TRAPPC9: variants seen among roughly 807,000 people sequenced by gnomAD.
TRAPPC9 encodes IKK2 binding protein.
A neutral mutation model predicts 124.0 loss-of-function variants in TRAPPC9; 83 were observed. That is an observed-to-expected ratio of 0.67 (90% CI 0.56 to 0.80). TRAPPC9 has a LOEUF of 0.80. TRAPPC9 is among the 30% of genes least tolerant of loss of function. The probability of loss-of-function intolerance (pLI) is 0.00; values close to 1 mark genes in which losing one functional copy is unlikely to be tolerated. For synonymous variants in TRAPPC9, 638 were observed against 617.5 expected (o/e 1.03, Z -0.49); for missense variants, 1,302 against 1,508.3 (o/e 0.86, Z 2.27).
intron 19 of TRAPPC9, among the ~76,000 whole-genome samples, chr8:139,973,783 AG>A (rs1362270910): frequency 6.6e-6 from 1 of 152,042 alleles, no homozygotes; most frequent in African/African-American, 2.4e-5. Context: ...GAGGAGGCCG[AG>A]GTGAGTGCCA....
chr8:139,945,468 G>A (rs556658583), intron 19 of TRAPPC9, among the ~76,000 whole-genome samples: 31 of 130,884 alleles, frequency 2.4e-4, no homozygotes, highest in African/African-American at 9.0e-4. Flanking sequence ...GACACAATTA[G>A]AGGGAGTCAG....
chr8:139,801,242 A>G (rs553853747), intron 21 of TRAPPC9, among the ~76,000 whole-genome samples: 1 of 152,282 alleles, frequency 6.6e-6, no homozygotes, highest in East Asian at 1.9e-4. Flanking sequence ...CTTCCTGGGG[A>G]GACTTGGCTG....
At chr8:140,362,059 G>A (rs562390134) in intron 8 of TRAPPC9, among the ~76,000 whole-genome samples, 2 of 152,258 alleles carry the variant, frequency 1.3e-5, no homozygotes, top group South Asian at 4.1e-4. Context: ...TATTTCCGCT[G>A]TATTTTGCAC....
rs1825561684 is a variant in TRAPPC9, at chr8:139,825,474, G to A, written c.3055+60405C>T. ...CCGGATGGATGGGCACCAGGGCCAG[G>A]TGGGGGCTGCATGGGTCCCATGCCC... On this transcript the variant is annotated intron_variant, in intron 21 of 22. Transcript: ENST00000438773. The surrounding 1 kb of genome is among the most constrained non-coding windows in gnomAD (Gnocchi z 4.6). Among the ~76,000 whole-genome samples, 1 of 152,180 alleles carries A rather than the reference G, an allele frequency of 6.6e-6. No individual in the cohort carries two copies. Among genetic ancestry groups the A allele is most frequent in the Non-Finnish European group, 1.5e-5 (1 of 68,034 alleles).
intron 15 of TRAPPC9, among the ~76,000 whole-genome samples, chr8:140,269,553 AAAATAAATAAATAAAT>A (rs61634673): frequency 8.4e-4 from 96 of 113,866 alleles, no homozygotes; most frequent in East Asian, 4.1e-3. Flanking sequence ...AAAATAAAAT[AAAATAAATAAATAAAT>A]AAATAAATAA....
At chr8:140,110,013 G>A (rs2060734655) in intron 17 of TRAPPC9, among the ~76,000 whole-genome samples, 1 of 152,084 alleles carries the variant, frequency 6.6e-6, no homozygotes, top group South Asian at 2.1e-4. Flanking sequence ...ACAGACTCAG[G>A]TGACAGCATC....
intron 21 of TRAPPC9, among the ~76,000 whole-genome samples, chr8:139,795,724 T>G (rs1301938598): frequency 6.6e-6 from 1 of 151,988 alleles, no homozygotes; most frequent in African/African-American, 2.4e-5. Flanking sequence ...TGGGAAACAA[T>G]CTGATGTCAT....
At chr8:140,084,277 ATC>A (rs1563748153) in intron 17 of TRAPPC9, among the ~76,000 whole-genome samples, 1 of 152,198 alleles carries the variant, frequency 6.6e-6, no homozygotes, top group Non-Finnish European at 1.5e-5. Flanking sequence ...ATGAAAATAA[ATC>A]TCTATAAATC....
chr8:140,351,639 T>G (rs545296285), intron 9 of TRAPPC9, among the ~76,000 whole-genome samples: 1 of 152,102 alleles, frequency 6.6e-6, no homozygotes, highest in Non-Finnish European at 1.5e-5. Context: ...ACAAACTATA[T>G]GGGAGGATGT....
At chr8:140,089,461 C>T (rs767663417) in intron 17 of TRAPPC9, among the ~76,000 whole-genome samples, 3 of 152,156 alleles carry the variant, frequency 2.0e-5, no homozygotes, top group Non-Finnish European at 2.9e-5. Flanking sequence ...AGTCCTACTA[C>T]GTGAAATAAG....
rs139568915 is a variant in TRAPPC9 at position 140,197,840 on chromosome 8, A to T, written c.2556+23619T>A. On this transcript the variant is annotated intron_variant, in intron 17 of 22. Coordinates refer to ENST00000438773, the MANE Select transcript of TRAPPC9 (RefSeq NM_001160372.4). ...GCAGGGAAGGTGGTCTTTGGGGCTCAGAAAGAGCCTTTCCTTGACACTCCC... is the reference window on the plus strand; with the variant it reads ...GCAGGGAAGGTGGTCTTTGGGGCTCTGAAAGAGCCTTTCCTTGACACTCCC... Among the ~76,000 whole-genome samples the T allele has an allele frequency of 5.3e-3, 809 of 152,352 alleles. 5 individuals carry two copies. Among genetic ancestry groups the T allele is most frequent in the African/African-American group, 0.018 (736 of 41,588 alleles).
At chr8:140,038,736 A>C (rs551046547) in intron 17 of TRAPPC9, among the ~76,000 whole-genome samples, 1 of 152,232 alleles carries the variant, frequency 6.6e-6, no homozygotes, top group South Asian at 2.1e-4. Flanking sequence ...AGCTGAGCAC[A>C]GAGGTCTCGA....
chr8:140,225,161 T>A (rs2063417670), intron 16 of TRAPPC9, among the ~76,000 whole-genome samples: 1 of 152,244 alleles, frequency 6.6e-6, no homozygotes, highest in Non-Finnish European at 1.5e-5. Flanking sequence ...AAATTATGCA[T>A]GTCTTACATT....
chr8:140,448,348 T>C (rs1207753830), intron 2 of TRAPPC9, among the ~76,000 whole-genome samples: 1 of 152,192 alleles, frequency 6.6e-6, no homozygotes, highest in Non-Finnish European at 1.5e-5. Flanking sequence ...TTTCAGTGCC[T>C]GGAGCCATGC....
At chr8:140,154,618 G>T (rs576002002) in intron 17 of TRAPPC9, among the ~76,000 whole-genome samples, 5 of 152,072 alleles carry the variant, frequency 3.3e-5, no homozygotes, top group Non-Finnish European at 5.9e-5. Context: ...ACTCACTAAC[G>T]ATTACTCATC....
chr8:139,946,056 T>A (rs2131471002), intron 19 of TRAPPC9, among the ~76,000 whole-genome samples: 1 of 152,342 alleles, frequency 6.6e-6, no homozygotes, highest in South Asian at 2.1e-4. Flanking sequence ...GGAAGACTTC[T>A]CAGAATCCTT....
At chr8:140,028,859 A>G (rs1272289146) in intron 17 of TRAPPC9, among the ~76,000 whole-genome samples, 2 of 152,238 alleles carry the variant, frequency 1.3e-5, no homozygotes, top group Non-Finnish European at 2.9e-5. Context: ...GGAAGGAACA[A>G]CAAACCAGTA....
intron 19 of TRAPPC9, among the ~76,000 whole-genome samples, chr8:139,948,555 C>G (rs1834424800): frequency 1.3e-5 from 2 of 152,164 alleles, no homozygotes; most frequent in South Asian, 2.1e-4. Flanking sequence ...GCCCTTCTCC[C>G]TAAGTTTTGT....
At chr8:140,412,017 T>G (rs1330737925) in intron 5 of TRAPPC9, among the ~76,000 whole-genome samples, 1 of 152,248 alleles carries the variant, frequency 6.6e-6, no homozygotes, top group Non-Finnish European at 1.5e-5. Flanking sequence ...GAAAGTGTGA[T>G]GACAAACAAG....
Sources: allele counts gnomAD v4.1 joint callset (sites outside exome capture counted in the v4.1 genomes callset), GRCh38; gene constraint gnomAD v4.1.1; non-coding constraint Gnocchi (gnomAD v3.1); transcripts MANE v1.5; gene names NCBI Gene and HGNC (gene_info 2026-07-23, HGNC 2026-07-21).